Variants in TOX2 observed in about 807,000 individuals in gnomAD.
TOX2 encodes the protein TOX high mobility group box family member 2, also known as granulosa cell HMG box 1.
TOX2 carries 15 observed loss-of-function variants against 47.4 expected under a neutral mutation model. The observed-to-expected ratio is 0.32, with a 90% CI of 0.21 to 0.49. The LOEUF (loss-of-function observed/expected upper bound fraction) is 0.49, where lower values mean the gene tolerates loss of function less well. Ranked by LOEUF, TOX2 falls within the 20% of genes least tolerant of loss-of-function variation. TOX2 has a pLI of 0.99. For missense variants in TOX2, 622 were observed against 673.1 expected (o/e 0.92, Z 0.84); for synonymous variants, 290 against 296.6 (o/e 0.98, Z 0.23).
chr20:43,934,458 T>C (rs1339797562), intron 1 of TOX2, among the ~76,000 whole-genome samples: 3 of 152,102 alleles, frequency 2.0e-5, no homozygotes, highest in African/African-American at 4.8e-5. Flanking sequence ...CACAGTGGGA[T>C]TGGAACCCAA....
At chr20:44,046,869 G>T (rs1314474690) in intron 3 of TOX2, among the ~76,000 whole-genome samples, 1 of 152,144 alleles carries the variant, frequency 6.6e-6, no homozygotes, top group Non-Finnish European at 1.5e-5. Flanking sequence ...CATGCAATTT[G>T]TCTCTATAAC....
At chr20:43,960,844 C>T (rs980367721) in intron 1 of TOX2, among the ~76,000 whole-genome samples, 1 of 152,238 alleles carries the variant, frequency 6.6e-6, no homozygotes, top group South Asian at 2.1e-4. Context: ...AGAATGTGGC[C>T]TAGCTCCTGG....
intron 2 of TOX2, among the ~76,000 whole-genome samples, chr20:44,002,763 TGA>T (rs371116496): frequency 1.3e-5 from 2 of 151,226 alleles, no homozygotes; most frequent in Admixed American, 6.6e-5. Context: ...GGCAGGAGAA[TGA>T]GAGAGAGAGA....
At chr20:44,059,088 C>T (rs1328651228) in intron 5 of TOX2, among the ~76,000 whole-genome samples, 1 of 152,130 alleles carries the variant, frequency 6.6e-6, no homozygotes, top group Non-Finnish European at 1.5e-5. Context: ...ATCAAGGAGG[C>T]ACCAGAGAAA....
In TOX2 at chr20:44,006,791, C is replaced by T. The variant is rs768724359; in HGVS notation, c.410C>T (p.Thr137Met). ...DSHLLSGQLP[T>M]IQEMVHSEVA... ...CACCTGCTGTCGGGCCAGCTGCCCA[C>T]GGTGAGTCCCTATCGCCTGCTGCAG... Residue 137 changes from threonine (T) to methionine (M), a missense_variant and splice_region_variant, in exon 3 of 9, where the codon ACG becomes ATG. Physicochemically the swap from Thr to Met is moderately conservative, Grantham distance 81 (BLOSUM62 -1). This residue lies in a region of TOX2 where 307 missense variants were observed against 327.3 expected (regional missense o/e 0.94). Coordinates refer to ENST00000341197, the MANE Select transcript of TOX2 (RefSeq NM_001098797.2). The T allele has an allele frequency of 7.3e-5, 118 of 1,612,486 alleles. No individual in the cohort carries two copies. Among genetic ancestry groups the T allele is most frequent in the Middle Eastern group, 1.6e-4 (1 of 6,078 alleles).
chr20:43,956,145 G>A (rs913988613), intron 1 of TOX2, among the ~76,000 whole-genome samples: 1 of 152,176 alleles, frequency 6.6e-6, no homozygotes, highest in Non-Finnish European at 1.5e-5. Flanking sequence ...CTTCCGTGAA[G>A]TCTTTTTACA....
chr20:43,928,997 A>AAAAC (rs540054093), intron 1 of TOX2, among the ~76,000 whole-genome samples: 6 of 149,558 alleles, frequency 4.0e-5, no homozygotes, highest in African/African-American at 1.5e-4. Context: ...AAAAAAAAAA[A>AAAAC]AACAACAACA....
intron 2 of TOX2, among the ~76,000 whole-genome samples, chr20:44,003,309 C>T (rs1212417238): frequency 2.0e-5 from 3 of 151,944 alleles, no homozygotes; most frequent in Non-Finnish European, 2.9e-5. Context: ...CCTCAGCCCC[C>T]GAAGTAGCTG....
chr20:44,016,049 T>G (rs2070873329), intron 3 of TOX2, among the ~76,000 whole-genome samples: 1 of 152,090 alleles, frequency 6.6e-6, no homozygotes, highest in African/African-American at 2.4e-5. Flanking sequence ...TTCTTTTCCA[T>G]GTCCCAGTTT....
At chr20:44,041,967 A>G (rs543447045) in intron 3 of TOX2, among the ~76,000 whole-genome samples, 1 of 152,364 alleles carries the variant, frequency 6.6e-6, no homozygotes, top group South Asian at 2.1e-4. Flanking sequence ...ATGTGATGAG[A>G]AGAATTTGCA....
chr20:44,036,517 A>T (rs2071243924), intron 3 of TOX2, among the ~76,000 whole-genome samples: 1 of 152,278 alleles, frequency 6.6e-6, no homozygotes, highest in African/African-American at 2.4e-5. Context: ...TAACTGGTCA[A>T]CAGGTCAGTG....
At chr20:44,052,345 C>T (rs2071528794) in intron 4 of TOX2, among the ~76,000 whole-genome samples, 1 of 152,212 alleles carries the variant, frequency 6.6e-6, no homozygotes, top group African/African-American at 2.4e-5. Flanking sequence ...GGGAGGAAAA[C>T]AGAGGCCCAG....
intron 3 of TOX2, among the ~76,000 whole-genome samples, chr20:44,019,796 T>TAA (rs2145645777): frequency 6.6e-6 from 1 of 152,310 alleles, no homozygotes; most frequent in East Asian, 1.9e-4. Flanking sequence ...CTGCCACCAC[T>TAA]AAGAGATTGT....
chr20:43,962,160 A>T (rs1227234189), intron 1 of TOX2, among the ~76,000 whole-genome samples: 1 of 152,230 alleles, frequency 6.6e-6, no homozygotes, highest in African/African-American at 2.4e-5. Context: ...ATCTGCAGTA[A>T]TGCAGACGGT....
At chr20:44,003,002 G>A (rs2070610339) in intron 2 of TOX2, among the ~76,000 whole-genome samples, 1 of 152,044 alleles carries the variant, frequency 6.6e-6, no homozygotes, top group African/African-American at 2.4e-5. Context: ...TGCACCCAGA[G>A]TCACACACAG....
Position 43,927,684 on chromosome 20 carries a change from CCTT to C in TOX2, c.99+12696_99+12698del, listed in dbSNP as rs1222295081. Among the ~76,000 whole-genome samples the C allele has an allele frequency of 3.4e-5, 3 of 88,676 alleles. 1 individual carries two copies. Among genetic ancestry groups the C allele is most frequent in the African/African-American group, 2.3e-4 (3 of 12,876 alleles). 58.2% of individuals were successfully genotyped at this position (88,676 alleles called of 152,430 possible). The stretch of plus-strand genomic sequence containing the variant: ...CCCTTCCTTCCTTCCTTTCTTCCTT[CCTT>C]CCCTTCCCCTTCCTTCCTTTCTTCC... On this transcript the variant is annotated intron_variant, in intron 1 of 8. Transcript: ENST00000341197.
intron 3 of TOX2, among the ~76,000 whole-genome samples, chr20:44,016,093 A>G (rs2070873867): frequency 2.6e-5 from 4 of 151,940 alleles, no homozygotes; most frequent in Admixed American, 2.0e-4. Context: ...TCTTTTGAGA[A>G]CCGTTTGCTC....
intron 1 of TOX2, among the ~76,000 whole-genome samples, chr20:43,949,718 G>A (rs751942449): frequency 1.3e-5 from 2 of 152,188 alleles, no homozygotes; most frequent in Non-Finnish European, 2.9e-5. Context: ...CGACATCCAC[G>A]GCTTTCCAGA....
At chr20:44,048,254 G>A (rs1312897109) in intron 3 of TOX2, among the ~76,000 whole-genome samples, 1 of 151,272 alleles carries the variant, frequency 6.6e-6, no homozygotes, top group Non-Finnish European at 1.5e-5. Context: ...ATTTTGAGAA[G>A]GAAAATTTTA....
Sources: gnomAD v4.1 joint callset for allele counts (sites outside exome capture counted in the v4.1 genomes callset) on GRCh38, gnomAD v4.1.1 for gene constraint, gnomAD v4.1.1 regional missense constraint, MANE v1.5 for transcripts, NCBI Gene and HGNC (gene_info 2026-07-23, HGNC 2026-07-21) for gene names.